The following KCNN2 variants were observed in gnomAD, a reference collection of about 807,000 sequenced individuals.
KCNN2 encodes the protein small conductance calcium-activated potassium channel protein 2.
KCNN2 carries 24 observed loss-of-function variants against 55.5 expected under a neutral mutation model. The ratio of observed to expected loss-of-function variants is 0.43; its 90% CI spans 0.31 to 0.61. The LOEUF (loss-of-function observed/expected upper bound fraction) is 0.61, where lower values mean the gene tolerates loss of function less well. KCNN2 is among the 20% of genes least tolerant of loss of function. KCNN2 has a pLI of 0.08. For missense variants in KCNN2, 754 were observed against 853.6 expected, an observed-to-expected ratio of 0.88 and a Z score of 1.45; for synonymous variants, 431 against 336.1, an observed-to-expected ratio of 1.28 and a Z score of -3.09.
intron 2 of KCNN2, among the ~76,000 whole-genome samples, chr5:114,381,304 A>G (rs1580770976): frequency 6.6e-6 from 1 of 152,184 alleles, no homozygotes. Flanking sequence ...ACAGTCAGAG[A>G]TCATTGGTTG....
intron 3 of KCNN2, among the ~76,000 whole-genome samples, chr5:114,438,814 T>C (rs897105955): frequency 6.6e-6 from 1 of 152,192 alleles, no homozygotes; most frequent in African/African-American, 2.4e-5. Context: ...CTCCCGTTGC[T>C]CTTACGAACT....
intron 1 of KCNN2, among the ~76,000 whole-genome samples, chr5:114,148,822 A>G (rs1354672920): frequency 6.6e-6 from 1 of 152,122 alleles, no homozygotes; most frequent in African/African-American, 2.4e-5. Context: ...CCTCATCATG[A>G]TCAGAAGGAG....
intron 2 of KCNN2, among the ~76,000 whole-genome samples, chr5:114,263,413 G>A (rs1379744063): frequency 1.4e-5 from 2 of 142,894 alleles, no homozygotes; most frequent in African/African-American, 2.6e-5. Flanking sequence ...TATGCAACAC[G>A]TGCTAGATAA....
intron 2 of KCNN2, among the ~76,000 whole-genome samples, chr5:114,287,154 A>G (rs1167389815): frequency 6.6e-6 from 1 of 152,188 alleles, no homozygotes; most frequent in Non-Finnish European, 1.5e-5. Flanking sequence ...AAGCTAGTTT[A>G]AAAGCAATTG....
intron 3 of KCNN2, among the ~76,000 whole-genome samples, chr5:114,413,104 G>A (rs1054503188): frequency 6.6e-6 from 1 of 152,030 alleles, no homozygotes; most frequent in African/African-American, 2.4e-5. Flanking sequence ...TATAAAAGTC[G>A]GCAGTTTGAA....
chr5:114,267,783 AT>A (rs1755239372), intron 2 of KCNN2, among the ~76,000 whole-genome samples: 1 of 152,180 alleles, frequency 6.6e-6, no homozygotes, highest in Non-Finnish European at 1.5e-5. Context: ...CCCTGCTAAT[AT>A]TTACAATATA....
At chr5:114,267,701 C>A (rs931740456) in intron 2 of KCNN2, among the ~76,000 whole-genome samples, 4 of 151,962 alleles carry the variant, frequency 2.6e-5, no homozygotes, top group African/African-American at 9.7e-5. Flanking sequence ...TTTATTTTCC[C>A]AGAGGAAAAT....
chr5:114,158,669 T>A (rs1752694626), intron 1 of KCNN2, among the ~76,000 whole-genome samples: 1 of 151,312 alleles, frequency 6.6e-6, no homozygotes, highest in Non-Finnish European at 1.5e-5. Flanking sequence ...TGTATCCTCT[T>A]TTATTTCATT....
chr5:114,246,677 T>A (rs6886349), intron 2 of KCNN2, among the ~76,000 whole-genome samples: 120,817 of 151,518 alleles, frequency 0.8, 48,474 homozygotes, highest in East Asian at 0.9. Flanking sequence ...GATATGTCCA[T>A]AGTTGGTTGG....
At chr5:114,302,301 C>T (rs976386662) in intron 2 of KCNN2, among the ~76,000 whole-genome samples, 11 of 152,124 alleles carry the variant, frequency 7.2e-5, no homozygotes, top group Non-Finnish European at 1.3e-4. Flanking sequence ...ATATTTCTAC[C>T]GTGGCTAGCA....
chr5:114,315,317 C>A (rs1447324620), intron 2 of KCNN2, among the ~76,000 whole-genome samples: 2 of 151,892 alleles, frequency 1.3e-5, no homozygotes, highest in African/African-American at 2.4e-5. Context: ...AAATATAGGG[C>A]TCGTATTTAT....
rs1247290052 is a variant in KCNN2 at position 114,289,389 on chromosome 5, A to T, written c.-185+67824A>T. Among the ~76,000 whole-genome samples the T allele has an allele frequency of 1.7e-4, 18 of 103,256 alleles. No individual in the cohort carries two copies. In the East Asian group the frequency reaches 4.6e-3, roughly 26 times the overall value. The allele number at this position is 103,256 out of a possible 152,430, so 67.7% of individuals were successfully genotyped here. On this transcript the variant is annotated intron_variant, in intron 2 of 10. Coordinates refer to the KCNN2 transcript ENST00000512097. Reference sequence around the variant, plus strand: ...ATCAACTTTTTTTTTTTTTTTTTTGAGACAGAGTCTCACTCACTTTGTGGC... The same window carrying T: ...ATCAACTTTTTTTTTTTTTTTTTTGTGACAGAGTCTCACTCACTTTGTGGC...
At chr5:114,241,693 A>T (rs1486012888) in intron 2 of KCNN2, among the ~76,000 whole-genome samples, 1 of 109,150 alleles carries the variant, frequency 9.2e-6, no homozygotes, top group Non-Finnish European at 2.0e-5. Flanking sequence ...AATTTACGAG[A>T]ATATATATGT....
intron 2 of KCNN2, among the ~76,000 whole-genome samples, chr5:114,390,144 C>T (rs1346132538): frequency 3.3e-5 from 5 of 152,102 alleles, no homozygotes; most frequent in Non-Finnish European, 5.9e-5. Context: ...AATATTATTA[C>T]TATAATGCTT....
intron 1 of KCNN2, among the ~76,000 whole-genome samples, chr5:114,183,106 A>G (rs1753269195): frequency 6.6e-6 from 1 of 152,078 alleles, no homozygotes; most frequent in Non-Finnish European, 1.5e-5. Context: ...TTGGTAAAAT[A>G]TTTTTATTCA....
chr5:114,259,569 T>A (rs1052609255), intron 2 of KCNN2, among the ~76,000 whole-genome samples: 1 of 152,152 alleles, frequency 6.6e-6, no homozygotes, highest in African/African-American at 2.4e-5. Context: ...TGTATACATA[T>A]GTAACTAACC....
intron 1 of KCNN2, among the ~76,000 whole-genome samples, chr5:114,205,654 G>T (rs1753752672): frequency 6.6e-6 from 1 of 152,050 alleles, no homozygotes; most frequent in African/African-American, 2.4e-5. Flanking sequence ...CTCCCCAGAA[G>T]GAAACCAAAA....
At chr5:114,400,316 T>C (rs1758747763) in intron 2 of KCNN2, among the ~76,000 whole-genome samples, 1 of 152,196 alleles carries the variant, frequency 6.6e-6, no homozygotes, top group Admixed American at 6.5e-5. Context: ...TGCTATAAGA[T>C]CTTTATGTCC....
chr5:114,351,692 T>C (rs1004276721), intron 2 of KCNN2, among the ~76,000 whole-genome samples: 1 of 151,688 alleles, frequency 6.6e-6, no homozygotes, highest in Non-Finnish European at 1.5e-5. Context: ...TTGTCAAATA[T>C]TTTTTCTGTG....
Sources: allele counts gnomAD v4.1 joint callset (sites outside exome capture counted in the v4.1 genomes callset), GRCh38; gene constraint gnomAD v4.1.1; transcripts MANE v1.5; gene names NCBI Gene and HGNC (gene_info 2026-07-23, HGNC 2026-07-21).